Variants in ESCO1 observed in about 807,000 individuals in gnomAD.
ESCO1 encodes N-acetyltransferase ESCO1.
In ESCO1, 33 loss-of-function variants were observed where a neutral mutation model predicts 83.5. The observed-to-expected ratio is 0.40, with a 90% CI of 0.30 to 0.53. ESCO1 has a LOEUF of 0.53. Among genes scored for constraint, ESCO1 ranks in the 20% least tolerant of loss-of-function variants. The pLI, the probability that ESCO1 is intolerant of heterozygous loss-of-function variation, is 0.63. For missense variants in ESCO1, 855 were observed against 968.0 expected (o/e 0.88, Z 1.55); for synonymous variants, 332 against 324.3 (o/e 1.02, Z -0.25).
intron 1 of ESCO1, among the ~76,000 whole-genome samples, chr18:21,591,815 G>T (rs1409850505): frequency 6.6e-6 from 1 of 151,876 alleles, no homozygotes; most frequent in Non-Finnish European, 1.5e-5. Flanking sequence ...AGGGCCCTGC[G>T]GCCTTCCGCA....
At chr18:21,571,837 G>A (rs10221376) in intron 4 of ESCO1, among the ~76,000 whole-genome samples, 13,736 of 152,132 alleles carry the variant, frequency 0.09, 2,049 homozygotes, top group African/African-American at 0.31. Flanking sequence ...TACTATCACT[G>A]ACTGGTAAAA....
intron 4 of ESCO1, among the ~76,000 whole-genome samples, chr18:21,569,590 C>T (rs2038312991): frequency 6.6e-6 from 1 of 152,162 alleles, no homozygotes; most frequent in Non-Finnish European, 1.5e-5. Flanking sequence ...TACTAAAAAA[C>T]AAAAATTAGC....
At chr18:21,581,059 C>A (rs189061216) in intron 2 of ESCO1, among the ~76,000 whole-genome samples, 1 of 152,146 alleles carries the variant, frequency 6.6e-6, no homozygotes, top group Non-Finnish European at 1.5e-5. Flanking sequence ...CACCTGTAAT[C>A]CCAGCACTTT....
chr18:21,558,957 T>C (rs2038148193), intron 8 of ESCO1, among the ~76,000 whole-genome samples: 1 of 152,186 alleles, frequency 6.6e-6, no homozygotes, highest in South Asian at 2.1e-4. Context: ...GTCAAGCATT[T>C]GTGAGTACTT....
intron 9 of ESCO1, among the ~76,000 whole-genome samples, chr18:21,539,584 G>C (rs2037877515): frequency 6.6e-6 from 1 of 152,168 alleles, no homozygotes; most frequent in Admixed American, 6.5e-5. Context: ...AGGCGCAGTG[G>C]TTCAAGCCTG....
intron 10 of ESCO1, among the ~76,000 whole-genome samples, chr18:21,533,087 T>C (rs1056735984): frequency 2.6e-5 from 4 of 152,088 alleles, no homozygotes; most frequent in African/African-American, 9.7e-5. Flanking sequence ...GTCACAGTTC[T>C]AGATTTCACA....
In ESCO1 at chr18:21,589,631, G is replaced by C. The variant is rs145178298; in HGVS notation, c.-824-5191C>G. Among the ~76,000 whole-genome samples the C allele has an allele frequency of 2.3e-3, 344 of 152,048 alleles. 2 individuals are homozygous for C. Among genetic ancestry groups the C allele is most frequent in the Non-Finnish European group, 3.7e-3 (252 of 67,988 alleles). On this transcript the variant is annotated intron_variant, in intron 1 of 11. Transcript: ENST00000269214. ...GCCTCTTCAGTTCCATAAAACACTG[G>C]TGCAAATTCAGAAAGCCATCTAAAC...
In ESCO1 at chr18:21,554,840, G is replaced by A. The variant is rs535642032; in HGVS notation, c.1953+6019C>T. On this transcript the variant is annotated intron_variant, in intron 8 of 11. Transcript: ENST00000269214. Reference sequence around the variant, plus strand: ...AGAGAATCGCTTGAACCCGAGAGGCGGAGGTTTCAGTGAGCAGAGATCATG... The same window carrying A: ...AGAGAATCGCTTGAACCCGAGAGGCAGAGGTTTCAGTGAGCAGAGATCATG... 1.8e-3 allele frequency among the ~76,000 whole-genome samples: 277 copies of A among 152,194 alleles called. 1 individual carries two copies. Among genetic ancestry groups the A allele is most frequent in the African/African-American group, 6.2e-3 (258 of 41,530 alleles).
At chr18:21,549,963 C>CA (rs397940311) in intron 8 of ESCO1, among the ~76,000 whole-genome samples, 1,787 of 122,710 alleles carry the variant, frequency 0.015, 25 homozygotes, top group African/African-American at 0.043. Context: ...ACTCCATCTC[C>CA]AAAAAAAAAA....
chr18:21,595,657 G>C (rs893822088), intron 1 of ESCO1, among the ~76,000 whole-genome samples: 2 of 144,900 alleles, frequency 1.4e-5, no homozygotes, highest in African/African-American at 5.2e-5. Flanking sequence ...AACAGAGCGA[G>C]ACTCCGACTC....
At chr18:21,535,463 A>C (rs575845087) in intron 10 of ESCO1, among the ~76,000 whole-genome samples, 2 of 151,498 alleles carry the variant, frequency 1.3e-5, no homozygotes, top group African/African-American at 4.8e-5. Flanking sequence ...GCTCACTGCA[A>C]CCTCTGCCTC....
At chr18:21,565,964 G>A (rs751575662) in intron 6 of ESCO1, among the ~76,000 whole-genome samples, 182 bp downstream of exon 6, 2 of 151,988 alleles carry the variant, frequency 1.3e-5, no homozygotes, top group Non-Finnish European at 2.9e-5. Flanking sequence ...TAAAGAATGA[G>A]GTAGTAGGGT....
chr18:21,596,167 T>C (rs1380581070), intron 1 of ESCO1, among the ~76,000 whole-genome samples: 3 of 151,566 alleles, frequency 2.0e-5, no homozygotes, highest in Non-Finnish European at 4.4e-5. Context: ...GGTGGGCAGA[T>C]AACTTGGGCC....
intron 1 of ESCO1, among the ~76,000 whole-genome samples, chr18:21,588,536 G>A (rs1260098729): frequency 2.6e-5 from 4 of 152,058 alleles, no homozygotes; most frequent in Non-Finnish European, 5.9e-5. Context: ...AATGTGAAAG[G>A]TGAAAATAGT....
intron 2 of ESCO1, among the ~76,000 whole-genome samples, chr18:21,579,515 T>C (rs1047929414): frequency 6.6e-6 from 1 of 151,644 alleles, no homozygotes; most frequent in African/African-American, 2.4e-5. Context: ...CTCACGCCTG[T>C]AATCCCAGCA....
At chr18:21,549,472 TGGC>T (rs775221775) in intron 8 of ESCO1, among the ~76,000 whole-genome samples, 2 of 152,046 alleles carry the variant, frequency 1.3e-5, no homozygotes, top group South Asian at 2.1e-4. Flanking sequence ...TGGAATGCAG[TGGC>T]ACGATCTCAG....
chr18:21,598,650 C>A (rs536733786), intron 1 of ESCO1, among the ~76,000 whole-genome samples: 3 of 151,598 alleles, frequency 2.0e-5, no homozygotes, highest in Non-Finnish European at 4.4e-5. Context: ...TGCAGTGAGC[C>A]GAGATCTCGC....
intron 8 of ESCO1, among the ~76,000 whole-genome samples, chr18:21,553,666 T>A (rs1425873129): frequency 6.6e-6 from 1 of 151,838 alleles, no homozygotes; most frequent in East Asian, 1.9e-4. Context: ...GAGACCAGCC[T>A]GACCAACATG....
chr18:21,558,016 G>A (rs1026084974), intron 8 of ESCO1, among the ~76,000 whole-genome samples: 3 of 143,320 alleles, frequency 2.1e-5, no homozygotes, highest in South Asian at 2.2e-4. Flanking sequence ...GTCCTGCTCT[G>A]TCACGCAGGC....
Sources: gnomAD v4.1 joint callset for allele counts (sites outside exome capture counted in the v4.1 genomes callset) on GRCh38, gnomAD v4.1.1 for gene constraint, MANE v1.5 for transcripts, NCBI Gene and HGNC (gene_info 2026-07-23, HGNC 2026-07-21) for gene names.